The following EPX variants were observed in gnomAD, a reference collection of about 807,000 sequenced individuals.
The protein encoded by EPX is eosinophil peroxidase.
In EPX, 60 loss-of-function variants were observed where a neutral mutation model predicts 73.0. The observed-to-expected ratio is 0.82, with a 90% CI of 0.67 to 1.02. The LOEUF (loss-of-function observed/expected upper bound fraction) is 1.02. Among genes scored for constraint, EPX ranks in the 50% least tolerant of loss-of-function variants. EPX has a pLI of 0.00. For missense variants in EPX, 950 were observed against 973.9 expected (o/e 0.98, Z 0.33); for synonymous variants, 347 against 389.2 (o/e 0.89, Z 1.28).
intron 10 of EPX, among the ~76,000 whole-genome samples, chr17:58,201,552 T>A (rs1335276780): frequency 6.6e-6 from 1 of 152,104 alleles, no homozygotes; most frequent in East Asian, 1.9e-4. Flanking sequence ...TGGGTATGGG[T>A]ATGGGCAGGA....
chr17:58,197,498 C>A (rs1968276723), intron 7 of EPX, among the ~76,000 whole-genome samples: 1 of 152,212 alleles, frequency 6.6e-6, no homozygotes, highest in Admixed American at 6.5e-5. Flanking sequence ...CTCACCGCCT[C>A]TATGGCACCC....
Position 58,204,732 on chromosome 17 carries a change from A to G in EPX, c.*12-4A>G. ...TGACTTATCCAGTTCTGTTACTTCC[A>G]CAGGAGTCTATCCCAAGTCTCCAAC... On this transcript the variant is annotated splice_region_variant and splice_polypyrimidine_tract_variant and intron_variant, in intron 12 of 12. Transcript: ENST00000225371. 2.7e-6 allele frequency: 1 copy of G among 372,474 alleles called. No homozygotes were observed. Among genetic ancestry groups the G allele is most frequent in the Admixed American group, 4.0e-5 (1 of 25,198 alleles). 23.1% of individuals were successfully genotyped at this position (372,474 alleles called of 1,614,324 possible).
At position 58,203,074 on chromosome 17, in the gene EPX, C is replaced by A. The variant is rs748885635; in HGVS notation, c.1709-7C>A. On this transcript the variant is annotated splice_polypyrimidine_tract_variant and splice_region_variant and intron_variant, in intron 10 of 12. Transcript: ENST00000225371. Reference sequence around the variant, plus strand: ...GACTGAAGCTGCTTCTCCCCGTTCCCCTGCAGGGTACAATGCTTGGAGGCG... The same window carrying A: ...GACTGAAGCTGCTTCTCCCCGTTCCACTGCAGGGTACAATGCTTGGAGGCG... 1 of 1,606,922 alleles carries A rather than the reference C, an allele frequency of 6.2e-7. No individual in the cohort carries two copies.
In EPX at chr17:58,192,817, C is replaced by A; in HGVS notation, c.-30C>A. ...CCGTGCAGGCTGTGGATGTCACTCACTTCCCAGCTGGTGAAGCCTCGCTGC... is the reference window on the plus strand; with the variant it reads ...CCGTGCAGGCTGTGGATGTCACTCAATTCCCAGCTGGTGAAGCCTCGCTGC... On this transcript the variant is annotated 5_prime_UTR_variant, in exon 1 of 13. Transcript: ENST00000225371. 3.1e-6 allele frequency: 5 copies of A among 1,603,208 alleles called. No homozygotes were observed. The highest frequency in any genetic ancestry group is 4.3e-6 in the Non-Finnish European group (5 of 1,171,912).
In EPX at chr17:58,204,781, G is replaced by T; in HGVS notation, c.*57G>T. 3.5e-6 allele frequency: 1 copy of T among 286,582 alleles called. No homozygotes were observed. Among genetic ancestry groups the T allele is most frequent in the African/African-American group, 2.2e-5 (1 of 46,384 alleles). The allele number at this position is 286,582 out of a possible 1,614,324, so 17.8% of individuals were successfully genotyped here. On this transcript the variant is annotated 3_prime_UTR_variant, in exon 13 of 13. Coordinates refer to ENST00000225371, the MANE Select transcript of EPX (RefSeq NM_000502.6). ...ACTTTTGGAGACAAGGGGAAGGGGAGGACCATGAGGCTGCCTTGTCTCCCT... is the reference window on the plus strand; with the variant it reads ...ACTTTTGGAGACAAGGGGAAGGGGATGACCATGAGGCTGCCTTGTCTCCCT...
chr17:58,195,982 TTTCCTTTCCTTCC>T (rs1205704416), intron 6 of EPX, among the ~76,000 whole-genome samples: 1 of 151,608 alleles, frequency 6.6e-6, no homozygotes, highest in Non-Finnish European at 1.5e-5. Flanking sequence ...TTCTTCTTTC[TTTCCTTTCCTTCC>T]TTCCTTCCCT....
rs538594262 is a variant in EPX, at chr17:58,205,102, C to G, written c.*378C>G. On this transcript the variant is annotated 3_prime_UTR_variant, in exon 13 of 13. Coordinates refer to ENST00000225371, the MANE Select transcript of EPX (RefSeq NM_000502.6). ...ACCACTCGGTCCTAGCCTCCAGACA[C>G]CCCACAATACTCCTCTGAGCCTGAG... The G allele has an allele frequency of 6.0e-6, 1 of 168,010 alleles. No individual in the cohort carries two copies. Among genetic ancestry groups the G allele is most frequent in the East Asian group, 1.7e-4 (1 of 5,918 alleles). 10.4% of individuals were successfully genotyped at this position (168,010 alleles called of 1,614,324 possible). A position where few individuals can be genotyped will look rare whatever the true frequency, so the allele number is the denominator to read the frequency against.
In EPX at chr17:58,200,400, G is replaced by A; in HGVS notation, c.1708+5G>A. ...GCCGGGACCACGGCCTTCCAGGTGA[G>A]GGGGCTGTCCACCTCTTCTCCCAGC... On this transcript the variant is annotated splice_donor_5th_base_variant and intron_variant, in intron 10 of 12. Coordinates refer to ENST00000225371, the MANE Select transcript of EPX (RefSeq NM_000502.6). The A allele has an allele frequency of 1.9e-6, 3 of 1,614,000 alleles. No homozygotes were observed. Among genetic ancestry groups the A allele is most frequent in the Non-Finnish European group, 2.5e-6 (3 of 1,179,942 alleles).
Position 58,195,021 on chromosome 17 carries a change from C to A in EPX, c.652C>A (p.Arg218Ser), listed in dbSNP as rs143977496. 2.5e-6 allele frequency: 4 copies of A among 1,614,008 alleles called. No individual in the cohort carries two copies. Among genetic ancestry groups the A allele is most frequent in the Non-Finnish European group, 3.4e-6 (4 of 1,179,976 alleles). ...RFPNERLTSD[R>S]GRALMFMQWG... ...CCCCAATGAGAGACTGACCTCCGAC[C>A]GTGGCCGAGCCCTCATGTTCATGCA... is the stretch of plus-strand genomic sequence containing the variant. Residue 218 changes from arginine (R) to serine (S), a missense_variant, in exon 6 of 13, where the codon CGT (arginine) becomes AGT (serine). Physicochemically the swap from Arg to Ser is moderately radical, Grantham distance 110 (BLOSUM62 -1). Transcript: ENST00000225371.
At chr17:58,198,246 T>C (rs550664577) in intron 7 of EPX, among the ~76,000 whole-genome samples, 35 of 152,258 alleles carry the variant, frequency 2.3e-4, no homozygotes, top group Non-Finnish European at 4.7e-4. Flanking sequence ...GGAAAGTGAA[T>C]CATGCGCCCA....
At chr17:58,199,908 T>C in intron 9 of EPX, 114 bp downstream of exon 9, 1 of 1,157,780 alleles carries the variant, frequency 8.6e-7, no homozygotes, top group South Asian at 1.4e-5. Flanking sequence ...ACTGCTAATA[T>C]CTCCCCAGGA....
chr17:58,199,914 C>A, intron 9 of EPX, 120 bp downstream of exon 9: 1 of 1,111,850 alleles, frequency 9.0e-7, no homozygotes, highest in Non-Finnish European at 1.3e-6. Flanking sequence ...AATATCTCCC[C>A]AGGACAGTGG....
Position 58,192,756 on chromosome 17 carries a change from G to C in EPX, c.-91G>C. On this transcript the variant is annotated 5_prime_UTR_variant, in exon 1 of 13. Coordinates refer to ENST00000225371, the MANE Select transcript of EPX (RefSeq NM_000502.6). Reference sequence around the variant, plus strand: ...GCTGGAGGAAGTGAGAGGTCGGCTGGGGGTCCTCAAAGTGAGAGGGGAGCA... The same window carrying C: ...GCTGGAGGAAGTGAGAGGTCGGCTGCGGGTCCTCAAAGTGAGAGGGGAGCA... 1 of 1,112,594 alleles carries C rather than the reference G, an allele frequency of 9.0e-7. No individual in the cohort carries two copies. Among genetic ancestry groups the C allele is most frequent in the Non-Finnish European group, 1.3e-6 (1 of 748,846 alleles). 68.9% of individuals were successfully genotyped at this position (1,112,594 alleles called of 1,614,324 possible). A position where few individuals can be genotyped will look rare whatever the true frequency, so the allele number is the denominator to read the frequency against.
chr17:58,196,948 A>G lies in EPX; in HGVS notation c.811A>G (p.Asn271Asp). 1 of 1,613,464 alleles carries G rather than the reference A, an allele frequency of 6.2e-7. No homozygotes were observed. The highest frequency in any genetic ancestry group is 8.5e-7 in the Non-Finnish European group (1 of 1,179,736). The change falls in exon 7 of 13, where the codon AAT (asparagine) becomes GAT (aspartate). Residue 271 changes from asparagine (N) to aspartate (D), a missense_variant. Transcript: ENST00000225371. ...PPCFPIKIPP[N>D]DPRIKNQRDC... ...TCCTCTTCCATCTCAGATCCCACCC[A>G]ATGACCCCCGCATCAAGAACCAGCG...
chr17:58,202,719 A>G, intron 10 of EPX: 1 of 300,296 alleles, frequency 3.3e-6, no homozygotes, highest in Non-Finnish European at 6.5e-6. Context: ...TCATTCTACA[A>G]ACCTGATGGA....
At chr17:58,200,007 A>G (rs1422752651) in intron 9 of EPX, among the ~76,000 whole-genome samples, 1 of 152,178 alleles carries the variant, frequency 6.6e-6, no homozygotes. Context: ...AGGGGTGGAG[A>G]CTAATGTCAG....
chr17:58,194,038 G>C lies in EPX; in HGVS notation c.540G>C (p.Ser180=). Residue 180 remains serine (S), a synonymous_variant, in exon 5 of 13, where the codon TCG becomes TCC. Coordinates refer to ENST00000225371, the MANE Select transcript of EPX (RefSeq NM_000502.6). The part of the protein sequence containing the change: ...WLPAEYEDGL[S]LPFGWTPSRR... ...CCGCCGAGTATGAGGATGGGCTGTC[G>C]CTCCCCTTCGGCTGGACCCCCAGCA... 1 of 1,613,292 alleles carries C rather than the reference G, an allele frequency of 6.2e-7. No individual in the cohort carries two copies. Among genetic ancestry groups the C allele is most frequent in the Non-Finnish European group, 8.5e-7 (1 of 1,179,952 alleles).
chr17:58,193,054 G>A lies in EPX; in HGVS notation c.93G>A (p.Val31=), dbSNP rs373475965. ...EGTDPASPGA[V]ETSVLRDCIA... is the part of the protein sequence containing the mutation. ...TTTGAACAGCCTCCCCTGGGGCAGT[G>A]GAGACCTCGGTCCTGCGAGACTGCA... is the stretch of plus-strand genomic sequence containing the variant. Residue 31 remains valine, a synonymous_variant, in exon 2 of 13, where the codon GTG becomes GTA. Transcript: ENST00000225371. The A allele has an allele frequency of 2.0e-5, 33 of 1,612,698 alleles. No homozygotes were observed. The highest frequency in any genetic ancestry group is 2.6e-5 in the Non-Finnish European group (31 of 1,178,720).
intron 5 of EPX, 47 bp downstream of exon 5, chr17:58,194,139 C>T (rs769989317): frequency 5.6e-6 from 9 of 1,598,082 alleles, no homozygotes; most frequent in East Asian, 4.5e-5. Flanking sequence ...CTCTTAAATG[C>T]GGGGAGTAAA....
Sources: gnomAD v4.1 joint callset for allele counts (sites outside exome capture counted in the v4.1 genomes callset) on GRCh38, gnomAD v4.1.1 for gene constraint, MANE v1.5 for transcripts, NCBI Gene and HGNC (gene_info 2026-07-23, HGNC 2026-07-21) for gene names.